CCDC62: variants seen among roughly 807,000 people sequenced by gnomAD.
CCDC62 encodes coiled-coil domain-containing protein 62.
CCDC62 carries 72 observed loss-of-function variants against 80.8 expected under a neutral mutation model. The ratio of observed to expected loss-of-function variants is 0.89; its 90% CI spans 0.74 to 1.08. The LOEUF is 1.08. CCDC62 is among the 50% of genes least tolerant of loss of function. The pLI is 0.00. For synonymous variants in CCDC62, 286 were observed against 296.5 expected (o/e 0.96, Z 0.36); for missense variants, 704 against 809.4 (o/e 0.87, Z 1.58).
At position 122,801,586 on chromosome 12, in the gene CCDC62, A is replaced by G. The variant is rs761358663; in HGVS notation, c.1440A>G (p.Glu480=). 7 of 1,614,168 alleles carry G rather than the reference A, an allele frequency of 4.3e-6. No homozygotes were observed. Among genetic ancestry groups the G allele is most frequent in the Non-Finnish European group, 5.9e-6 (7 of 1,180,026 alleles). The change falls in exon 9 of 13, where the codon GAA becomes GAG. Residue 480 remains glutamate, a synonymous_variant. Transcript: ENST00000253079. Reference sequence around the variant, plus strand: ...ACTGTCCAAGTTCAAAACATCCAGAAAAGCTGGATGTAGAATGTCAAGATC... The same window carrying G: ...ACTGTCCAAGTTCAAAACATCCAGAGAAGCTGGATGTAGAATGTCAAGATC... ...LTNCPSSKHP[E]KLDVECQDQM... is the part of the protein sequence containing the mutation.
At chr12:122,787,706 A>G (rs2030345520) in intron 4 of CCDC62, among the ~76,000 whole-genome samples, 1 of 151,348 alleles carries the variant, frequency 6.6e-6, no homozygotes. Context: ...AGCCGAGATC[A>G]CGCCACTGCA....
At chr12:122,786,296 C>A (rs1478103738) in intron 4 of CCDC62, among the ~76,000 whole-genome samples, 1 of 133,778 alleles carries the variant, frequency 7.5e-6, no homozygotes, top group Non-Finnish European at 1.6e-5. Flanking sequence ...TACAGGCGCC[C>A]GCCACCACAC....
At chr12:122,790,099 G>T (rs1031443104) in intron 5 of CCDC62, among the ~76,000 whole-genome samples, 2 of 151,674 alleles carry the variant, frequency 1.3e-5, no homozygotes, top group Admixed American at 1.3e-4. Flanking sequence ...TGCCCAGGCT[G>T]GAGTGCAATG....
chr12:122,804,129 GACAA>G (rs1242075431), intron 9 of CCDC62, among the ~76,000 whole-genome samples: 1 of 152,118 alleles, frequency 6.6e-6, no homozygotes, highest in Non-Finnish European at 1.5e-5. Context: ...CATTCCATTT[GACAA>G]ACAGAGGTTT....
intron 12 of CCDC62, 81 bp downstream of exon 12, chr12:122,823,540 A>G (rs1046708919): frequency 8.2e-5 from 59 of 722,756 alleles, no homozygotes; most frequent in Non-Finnish European, 4.1e-5. Context: ...ACGTTGAGTC[A>G]AGGCCATGCA....
intron 6 of CCDC62, among the ~76,000 whole-genome samples, chr12:122,793,205 A>T (rs2030737104): frequency 6.6e-6 from 1 of 152,184 alleles, no homozygotes; most frequent in East Asian, 1.9e-4. Flanking sequence ...GAAAAACAGA[A>T]TGGTTGTATG....
intron 5 of CCDC62, among the ~76,000 whole-genome samples, chr12:122,790,547 A>T (rs1390137176): frequency 6.6e-6 from 1 of 151,984 alleles, no homozygotes; most frequent in African/African-American, 2.4e-5. Context: ...AGTCCCAGCT[A>T]CTCGAGAGGC....
In CCDC62 at chr12:122,788,749, G is replaced by T; in HGVS notation, c.499-9G>T. The T allele has an allele frequency of 2.0e-6, 3 of 1,516,198 alleles. No individual in the cohort carries two copies. In the South Asian group the frequency reaches 3.8e-5, roughly 19 times the overall value. 93.9% of individuals were successfully genotyped at this position (1,516,198 alleles called of 1,614,324 possible). A position where few individuals can be genotyped will look rare whatever the true frequency, so the allele number is the denominator to read the frequency against. Reference sequence around the variant, plus strand: ...ATCTAGGATAACCATTTTCAAATTTGGTTTTTAGGACAAAGATATTATTGA... The same window carrying T: ...ATCTAGGATAACCATTTTCAAATTTTGTTTTTAGGACAAAGATATTATTGA... On this transcript the variant is annotated splice_polypyrimidine_tract_variant and intron_variant, in intron 4 of 12. Transcript: ENST00000253079.
intron 11 of CCDC62, among the ~76,000 whole-genome samples, chr12:122,814,696 C>CG (rs1191678860): frequency 1.3e-5 from 2 of 151,928 alleles, no homozygotes; most frequent in Non-Finnish European, 2.9e-5. Context: ...TTATTAGAGA[C>CG]GGGGTTTCAC....
chr12:122,805,187 CTT>C (rs35231650), intron 9 of CCDC62, among the ~76,000 whole-genome samples: 1,121 of 64,446 alleles, frequency 0.017, 13 homozygotes, highest in African/African-American at 0.061. Flanking sequence ...AACTGGCCGG[CTT>C]TTTTTTTTTT....
chr12:122,776,691 G>A (rs1879476643), intron 1 of CCDC62: 1 of 152,164 alleles, frequency 6.6e-6, no homozygotes, highest in African/African-American at 2.4e-5. Flanking sequence ...AGATGTTGTA[G>A]TTGTCATGCA....
chr12:122,814,746 G>T (rs1053450715), intron 11 of CCDC62, among the ~76,000 whole-genome samples: 2 of 151,934 alleles, frequency 1.3e-5, no homozygotes, highest in African/African-American at 4.8e-5. Context: ...GACCTCAAGT[G>T]ATCCACCTGC....
In CCDC62 at chr12:122,825,018, G is replaced by A. The variant is rs187401583; in HGVS notation, c.*41-1404G>A. Among the ~76,000 whole-genome samples the A allele has an allele frequency of 5.7e-3, 861 of 151,482 alleles. 12 individuals are homozygous for A. The highest frequency in any genetic ancestry group is 0.02 in the African/African-American group (815 of 41,302). On this transcript the variant is annotated intron_variant, in intron 12 of 12. Coordinates refer to ENST00000253079, the MANE Select transcript of CCDC62 (RefSeq NM_201435.5). ...AGAGAATCGCTTGAACCCAGGAGGC[G>A]GAGGTTGCAGTGAGCCGAGATCGTG...
At chr12:122,781,119 T>C (rs1296323989) in intron 2 of CCDC62, 45 bp from the exon 3 acceptor site, 2 of 1,523,532 alleles carry the variant, frequency 1.3e-6, no homozygotes, top group Admixed American at 2.1e-5. Flanking sequence ...ATAATGCCTT[T>C]TAAGCTGAAG....
At position 122,790,209 on chromosome 12, in the gene CCDC62, C is replaced by T. The variant is rs543911170; in HGVS notation, c.670+1280C>T. Among the ~76,000 whole-genome samples, 403 of 152,188 alleles carry T rather than the reference C, an allele frequency of 2.6e-3. 2 individuals are homozygous for T. The highest frequency in any genetic ancestry group is 4.8e-3 in the Non-Finnish European group (326 of 68,022). On this transcript the variant is annotated intron_variant, in intron 5 of 12. Transcript: ENST00000253079. ...GGGATTACAGGTGGGTGCCACCATGCCCGGCTAATTTTTGTATTTTTAGTA... is the reference window on the plus strand; with the variant it reads ...GGGATTACAGGTGGGTGCCACCATGTCCGGCTAATTTTTGTATTTTTAGTA...
chr12:122,827,469 A>C lies in CCDC62; in HGVS notation c.*1088A>C, dbSNP rs999243808. 1.3e-5 allele frequency: 2 copies of C among 152,198 alleles called. No individual in the cohort carries two copies. The highest frequency in any genetic ancestry group is 4.8e-5 in the African/African-American group (2 of 41,432). 9.4% of individuals were successfully genotyped at this position (152,198 alleles called of 1,614,324 possible). ...TTTTAATTAGGGTGCTGAAAAGAGAAGTTGGGTGAGGTTTGGTTATGTTCT... is the reference window on the plus strand; with the variant it reads ...TTTTAATTAGGGTGCTGAAAAGAGACGTTGGGTGAGGTTTGGTTATGTTCT... On this transcript the variant is annotated 3_prime_UTR_variant, in exon 13 of 13. Coordinates refer to ENST00000253079, the MANE Select transcript of CCDC62 (RefSeq NM_201435.5).
intron 4 of CCDC62, among the ~76,000 whole-genome samples, chr12:122,787,967 T>A (rs1203506376): frequency 6.6e-6 from 1 of 152,184 alleles, no homozygotes; most frequent in Non-Finnish European, 1.5e-5. Context: ...GCTACTGACC[T>A]GGTCACAAAG....
intron 1 of CCDC62, 85 bp from the exon 2 acceptor site, chr12:122,777,406 A>T (rs1342598016): frequency 7.8e-6 from 9 of 1,155,778 alleles, no homozygotes; most frequent in Non-Finnish European, 9.8e-6. Context: ...CCGCAAAAGA[A>T]GATATACTTA....
chr12:122,826,654 G>C lies in CCDC62; in HGVS notation c.*273G>C. 2.2e-6 allele frequency: 1 copy of C among 446,302 alleles called. No individual in the cohort carries two copies. The highest frequency in any genetic ancestry group is 3.9e-6 in the Non-Finnish European group (1 of 253,750). The allele number at this position is 446,302 out of a possible 1,614,324, so 27.6% of individuals were successfully genotyped here. ...GACCTTATTGTACATATAGAAAGTT[G>C]GAATTATGCTAAGAATGAAAAAGAC... is the stretch of plus-strand genomic sequence containing the variant. On this transcript the variant is annotated 3_prime_UTR_variant, in exon 13 of 13. Coordinates refer to ENST00000253079, the MANE Select transcript of CCDC62 (RefSeq NM_201435.5).
Sources: gnomAD v4.1 joint callset for allele counts (sites outside exome capture counted in the v4.1 genomes callset) on GRCh38, gnomAD v4.1.1 for gene constraint, MANE v1.5 for transcripts, NCBI Gene and HGNC (gene_info 2026-07-23, HGNC 2026-07-21) for gene names.